The following AGK variants were observed in gnomAD, a reference collection of about 807,000 sequenced individuals.
The protein encoded by AGK is acylglycerol kinase, mitochondrial.
In AGK, 52 loss-of-function variants were observed where a neutral mutation model predicts 66.4. The ratio of observed to expected loss-of-function variants is 0.78; its 90% CI spans 0.63 to 0.99. AGK has a LOEUF of 0.99. AGK is among the 50% of genes least tolerant of loss of function. AGK has a pLI of 0.00. For missense variants in AGK, 451 were observed against 506.6 expected, an observed-to-expected ratio of 0.89 and a Z score of 1.05; for synonymous variants, 182 against 181.1, an observed-to-expected ratio of 1.00 and a Z score of -0.04.
chr7:141,627,948 C>A (rs1167580476), intron 9 of AGK, among the ~76,000 whole-genome samples: 5 of 152,248 alleles, frequency 3.3e-5, no homozygotes, highest in Middle Eastern at 3.2e-3. Flanking sequence ...GTGGCACAAT[C>A]TTGGCTCACT....
At chr7:141,649,949 A>C (rs560208605) in intron 14 of AGK, among the ~76,000 whole-genome samples, 1 of 152,238 alleles carries the variant, frequency 6.6e-6, no homozygotes, top group East Asian at 1.9e-4. Flanking sequence ...AAGTTCTGTG[A>C]TTTGTTAAGT....
intron 1 of AGK, among the ~76,000 whole-genome samples, chr7:141,553,416 T>C (rs926280675): frequency 2.6e-5 from 4 of 152,332 alleles, no homozygotes; most frequent in African/African-American, 9.6e-5. Flanking sequence ...CTTCATTGAC[T>C]GTGCACCACC....
At chr7:141,590,384 G>A (rs62486718) in intron 2 of AGK, among the ~76,000 whole-genome samples, 15,431 of 152,136 alleles carry the variant, frequency 0.1, 1,089 homozygotes, top group Non-Finnish European at 0.15. Flanking sequence ...TCCACAGGGC[G>A]AGTTTTTAGG....
At chr7:141,628,739 G>A (rs1796994926) in intron 9 of AGK, among the ~76,000 whole-genome samples, 1 of 152,212 alleles carries the variant, frequency 6.6e-6, no homozygotes, top group Admixed American at 6.5e-5. Context: ...TGCTGGAGAT[G>A]TAACTAGAAT....
chr7:141,571,319 G>A (rs1795601577), intron 2 of AGK, among the ~76,000 whole-genome samples: 1 of 152,158 alleles, frequency 6.6e-6, no homozygotes, highest in Non-Finnish European at 1.5e-5. Flanking sequence ...TATTCACAGT[G>A]TGGTCCCGCA....
chr7:141,638,077 C>A (rs1797212149), intron 11 of AGK, among the ~76,000 whole-genome samples: 1 of 152,140 alleles, frequency 6.6e-6, no homozygotes. Context: ...ATTTATTCAG[C>A]AAACAATAGT....
intron 13 of AGK, among the ~76,000 whole-genome samples, chr7:141,647,512 C>T (rs1264048212): frequency 6.6e-6 from 1 of 152,148 alleles, no homozygotes; most frequent in African/African-American, 2.4e-5. Flanking sequence ...GTGTGGATTG[C>T]TCATCCCCGG....
At chr7:141,557,539 G>A (rs1239567902) in intron 2 of AGK, among the ~76,000 whole-genome samples, 1 of 152,176 alleles carries the variant, frequency 6.6e-6, no homozygotes, top group Non-Finnish European at 1.5e-5. Flanking sequence ...GAAGATTTGA[G>A]GAACTGTGTA....
At chr7:141,582,266 GT>G (rs941632964) in intron 2 of AGK, among the ~76,000 whole-genome samples, 2 of 151,980 alleles carry the variant, frequency 1.3e-5, no homozygotes, top group African/African-American at 4.8e-5. Context: ...CCTGGGGGAG[GT>G]GGTCCTGGAG....
At chr7:141,554,474 G>A (rs921322281) in intron 1 of AGK, among the ~76,000 whole-genome samples, 6 of 151,712 alleles carry the variant, frequency 4.0e-5, no homozygotes, top group African/African-American at 1.2e-4. Flanking sequence ...TTAACATTAT[G>A]TTTTGGGTTT....
At chr7:141,647,466 C>G (rs1435794809) in intron 13 of AGK, among the ~76,000 whole-genome samples, 1 of 152,192 alleles carries the variant, frequency 6.6e-6, no homozygotes, top group Non-Finnish European at 1.5e-5. Context: ...GTTCCCCCAG[C>G]ACCACCTGAA....
chr7:141,654,161 G>C lies in AGK; in HGVS notation c.*1237G>C, dbSNP rs202211411. 6.6e-6 allele frequency: 1 copy of C among 151,830 alleles called. No homozygotes were observed. The highest frequency in any genetic ancestry group is 1.5e-5 in the Non-Finnish European group (1 of 67,922). The allele number at this position is 151,830 out of a possible 1,614,324, so 9.4% of individuals were successfully genotyped here. ...TTTTTTTTTAGCTCTTGCTTTAAGT[G>C]TTTGTTTGTTATCTCAGTCCAGAAC... On this transcript the variant is annotated 3_prime_UTR_variant, in exon 16 of 16. Transcript: ENST00000649286.
At chr7:141,632,785 T>G (rs1357506988) in intron 9 of AGK, among the ~76,000 whole-genome samples, 1 of 152,236 alleles carries the variant, frequency 6.6e-6, no homozygotes, top group Non-Finnish European at 1.5e-5. Context: ...AGAGTGAAGA[T>G]TCAAGTCTAC....
At chr7:141,594,913 AG>A (rs1318347492) in intron 3 of AGK, among the ~76,000 whole-genome samples, 1 of 152,168 alleles carries the variant, frequency 6.6e-6, no homozygotes, top group Non-Finnish European at 1.5e-5. Flanking sequence ...GGCCTCCCAA[AG>A]TGCTGCAATT....
intron 8 of AGK, among the ~76,000 whole-genome samples, chr7:141,617,278 T>C (rs1796727183): frequency 6.6e-6 from 1 of 152,192 alleles, no homozygotes; most frequent in Non-Finnish European, 1.5e-5. Flanking sequence ...AAAGCTAATT[T>C]ACACAGAGTG....
intron 2 of AGK, among the ~76,000 whole-genome samples, chr7:141,577,518 G>A (rs1016882610): frequency 2.0e-5 from 3 of 152,166 alleles, no homozygotes; most frequent in African/African-American, 7.2e-5. Flanking sequence ...TGAAGGGTGA[G>A]AAAAATGGAA....
chr7:141,605,066 G>C (rs1009356293), intron 5 of AGK, among the ~76,000 whole-genome samples: 3 of 151,612 alleles, frequency 2.0e-5, no homozygotes, highest in African/African-American at 7.3e-5. Context: ...ACAAAATGTT[G>C]TGTCTTTCTC....
At chr7:141,571,019 C>T (rs1380840252) in intron 2 of AGK, among the ~76,000 whole-genome samples, 1 of 152,136 alleles carries the variant, frequency 6.6e-6, no homozygotes, top group African/African-American at 2.4e-5. Context: ...TGTGCAGAGC[C>T]ATATGGGAGC....
chr7:141,558,490 T>C (rs1007745899), intron 2 of AGK, among the ~76,000 whole-genome samples: 3 of 152,142 alleles, frequency 2.0e-5, no homozygotes, highest in Middle Eastern at 3.2e-3. Flanking sequence ...TGTAAAGATA[T>C]ATTCTTTACG....
Sources: gnomAD v4.1 joint callset for allele counts (sites outside exome capture counted in the v4.1 genomes callset) on GRCh38, gnomAD v4.1.1 for gene constraint, MANE v1.5 for transcripts, NCBI Gene and HGNC (gene_info 2026-07-23, HGNC 2026-07-21) for gene names.